DCHS2: variants seen among roughly 807,000 people sequenced by gnomAD.
DCHS2 encodes protocadherin-23.
Under a neutral mutation model 182.4 loss-of-function variants are expected in DCHS2, and 142 were observed. That is an observed-to-expected ratio of 0.78 (90% confidence interval 0.68 to 0.89). DCHS2 has a LOEUF of 0.89. DCHS2 is among the 40% of genes least tolerant of loss of function. DCHS2 has a pLI of 0.00. For synonymous variants in DCHS2, 1,740 were observed against 1,663.3 expected, an observed-to-expected ratio of 1.05 and a Z score of -1.12; for missense variants, 4,319 against 4,198.6, an observed-to-expected ratio of 1.03 and a Z score of -0.79.
chr4:154,421,489 G>C (rs998733636), intron 1 of DCHS2, among the ~76,000 whole-genome samples: 3 of 152,040 alleles, frequency 2.0e-5, no homozygotes, highest in Non-Finnish European at 4.4e-5. Context: ...CTGCCTCCGT[G>C]GTTTAAGCGA....
rs1413253512 is a variant in DCHS2 at position 154,491,504 on chromosome 4, T to G, written c.-149A>C. 1.1e-5 allele frequency: 15 copies of G among 1,401,690 alleles called. No homozygotes were observed. The highest frequency in any genetic ancestry group is 1.3e-5 in the Non-Finnish European group (14 of 1,084,076). The allele number at this position is 1,401,690 out of a possible 1,614,324, so 86.8% of individuals were successfully genotyped here. A position where few individuals can be genotyped will look rare whatever the true frequency, so the allele number is the denominator to read the frequency against. On this transcript the variant is annotated 5_prime_UTR_variant, in exon 1 of 20. An upstream open reading frame in the 5' UTR loses its in-frame stop. Coordinates refer to ENST00000357232, the MANE Select transcript of DCHS2 (RefSeq NM_001358235.2). ...CCGACGGCCCAGGAATTCCCGAGGT[T>G]ACATCTGCAACTGGTGAAAGCGTCC... is the stretch of plus-strand genomic sequence containing the variant.
At chr4:154,305,004 C>A (rs1735386468) in intron 11 of DCHS2, 93 bp downstream of exon 11, 1 of 1,504,262 alleles carries the variant, frequency 6.6e-7, no homozygotes, top group Non-Finnish European at 8.8e-7. Flanking sequence ...TTTAAAAACA[C>A]CCCAACAAAA....
intron 13 of DCHS2, among the ~76,000 whole-genome samples, chr4:154,277,900 G>T (rs1357212758): frequency 6.6e-6 from 1 of 151,978 alleles, no homozygotes; most frequent in African/African-American, 2.4e-5. Context: ...AATTAGCTGG[G>T]CATGGTGGCG....
At chr4:154,380,433 G>T (rs1168194685) in intron 1 of DCHS2, among the ~76,000 whole-genome samples, 1 of 152,040 alleles carries the variant, frequency 6.6e-6, no homozygotes, top group Admixed American at 6.6e-5. Flanking sequence ...TAATTTAGAA[G>T]CTTCAAGTTC....
chr4:154,388,860 TA>T (rs1031864449), intron 1 of DCHS2, among the ~76,000 whole-genome samples: 30 of 151,520 alleles, frequency 2.0e-4, no homozygotes, highest in African/African-American at 4.1e-4. Flanking sequence ...ATATTAATCC[TA>T]AAAAAAAATT....
chr4:154,427,487 G>A (rs7685964), intron 1 of DCHS2, among the ~76,000 whole-genome samples: 77,831 of 152,138 alleles, frequency 0.51, 21,095 homozygotes, highest in Middle Eastern at 0.67. Flanking sequence ...CGACCACGCA[G>A]CAACCCCAGA....
At chr4:154,418,474 C>G (rs1407181014) in intron 1 of DCHS2, among the ~76,000 whole-genome samples, 1 of 152,200 alleles carries the variant, frequency 6.6e-6, no homozygotes, top group East Asian at 1.9e-4. Flanking sequence ...GGATGATTAT[C>G]ACACCACTGC....
chr4:154,436,875 AT>A (rs1307947011), intron 1 of DCHS2, among the ~76,000 whole-genome samples: 1 of 152,232 alleles, frequency 6.6e-6, no homozygotes, highest in Admixed American at 6.5e-5. Context: ...AGTATGTAAA[AT>A]ATCTCAATAA....
At chr4:154,291,332 G>T (rs67916370) in intron 13 of DCHS2, among the ~76,000 whole-genome samples, 6,940 of 151,972 alleles carry the variant, frequency 0.046, 387 homozygotes, top group Admixed American at 0.17. Context: ...ATCCTTATAC[G>T]CTGTTGGTGG....
Position 154,333,335 on chromosome 4 carries a change from G to C in DCHS2, c.2873C>G (p.Pro958Arg). The change falls in exon 5 of 20, where the codon CCA becomes CGA. Residue 958 changes from proline to arginine, a missense_variant. By Grantham distance (103) the Pro-to-Arg change is moderately radical (BLOSUM62 -2). Coordinates refer to ENST00000357232, the MANE Select transcript of DCHS2 (RefSeq NM_001358235.2). ...LTVQAQLGSA[P>R]ACSSTEVNIT... ...GTTGACCTCGGTGCTGCTGCAGGCTGGGGCGCTGCCGAGCTGCGCCTGCAC... is the reference window on the plus strand; with the variant it reads ...GTTGACCTCGGTGCTGCTGCAGGCTCGGGCGCTGCCGAGCTGCGCCTGCAC... 6.2e-7 allele frequency: 1 copy of C among 1,614,084 alleles called. No homozygotes were observed. Among genetic ancestry groups the C allele is most frequent in the Non-Finnish European group, 8.5e-7 (1 of 1,180,010 alleles).
chr4:154,242,192 A>G (rs1731860219), intron 17 of DCHS2, among the ~76,000 whole-genome samples: 1 of 152,186 alleles, frequency 6.6e-6, no homozygotes, highest in Admixed American at 6.5e-5. Flanking sequence ...CAAACGTTGA[A>G]GATAAGGTTA....
chr4:154,377,040 TG>T (rs1370956047), intron 2 of DCHS2, among the ~76,000 whole-genome samples: 1 of 152,174 alleles, frequency 6.6e-6, no homozygotes, highest in Non-Finnish European at 1.5e-5. Context: ...TGTAGTTCTG[TG>T]TTTTTAAAGT....
chr4:154,334,653 T>G lies in DCHS2; in HGVS notation c.2713+215A>C, dbSNP rs183137774. 3.9e-5 allele frequency: 21 copies of G among 532,036 alleles called. No homozygotes were observed. In the Middle Eastern group the frequency reaches 2.0e-3, roughly 50 times the overall value. 33.0% of individuals were successfully genotyped at this position (532,036 alleles called of 1,614,324 possible). A position where few individuals can be genotyped will look rare whatever the true frequency, so the allele number is the denominator to read the frequency against. ...ATCTGTATTATTTTAAACATTCTTT[T>G]TAAAATGCCTATTATTTTTGTGATC... On this transcript the variant is annotated intron_variant, in intron 4 of 19. Coordinates refer to ENST00000357232, the MANE Select transcript of DCHS2 (RefSeq NM_001358235.2).
At position 154,298,680 on chromosome 4, in the gene DCHS2, T is replaced by G; in HGVS notation, c.5634A>C (p.Ile1878=). 6.2e-7 allele frequency: 1 copy of G among 1,604,578 alleles called. No homozygotes were observed. Among genetic ancestry groups the G allele is most frequent in the Non-Finnish European group, 8.5e-7 (1 of 1,176,734 alleles). The change falls in exon 13 of 20, where the codon ATA becomes ATC. Residue 1878 remains isoleucine (I), a synonymous_variant. Coordinates refer to ENST00000357232, the MANE Select transcript of DCHS2 (RefSeq NM_001358235.2). Reference sequence around the variant, plus strand: ...TTGAGAGTTCTCCTGACATCTCATTTATAGTAAAGCACTCATCAGTATTTC... The same window carrying G: ...TTGAGAGTTCTCCTGACATCTCATTGATAGTAAAGCACTCATCAGTATTTC... ...IDGNTDECFT[I]NEMSGELSTT...
chr4:154,358,630 A>G (rs565464556), intron 3 of DCHS2, among the ~76,000 whole-genome samples: 6 of 152,264 alleles, frequency 3.9e-5, no homozygotes, highest in Middle Eastern at 3.4e-3. Context: ...CTCATCACTT[A>G]GAAAAGAAGG....
chr4:154,298,634 CCCG>C lies in DCHS2; in HGVS notation c.5677_5679del (p.Arg1893del). ...ACAAGGGTAAAATTGCTGATTTGCT[CCCG>C]GTCCAAAGCACGAGTGGTTGAGAGT... On this transcript the variant is annotated inframe_deletion, in exon 13 of 20. Coordinates refer to ENST00000357232, the MANE Select transcript of DCHS2 (RefSeq NM_001358235.2). The C allele has an allele frequency of 6.2e-7, 1 of 1,613,870 alleles. No individual in the cohort carries two copies. Among genetic ancestry groups the C allele is most frequent in the South Asian group, 1.1e-5 (1 of 91,030 alleles).
chr4:154,312,409 C>T (rs1358487741), intron 10 of DCHS2, among the ~76,000 whole-genome samples: 1 of 152,242 alleles, frequency 6.6e-6, no homozygotes, highest in Admixed American at 6.5e-5. Context: ...AGAGACCCAG[C>T]GCTGTGACTC....
chr4:154,364,073 C>T (rs573631278), intron 3 of DCHS2, among the ~76,000 whole-genome samples: 169 of 152,246 alleles, frequency 1.1e-3, no homozygotes, highest in African/African-American at 3.9e-3. Flanking sequence ...GTATCAAAAC[C>T]GCCAACAATA....
Position 154,255,633 on chromosome 4 carries a change from A to G in DCHS2, c.6827T>C (p.Leu2276Pro), listed in dbSNP as rs1560988047. The change falls in exon 16 of 20, where the codon CTG (leucine) becomes CCG (proline). Residue 2276 changes from leucine to proline, a missense_variant. Physicochemically the swap from Leu to Pro is moderately conservative, Grantham distance 98. Transcript: ENST00000357232. ...ATDLDSGLNGLIEYSILSGNQ... is the reference protein window; with the variant it reads ...ATDLDSGLNGPIEYSILSGNQ... ...GCCAGACAGAATAGAATACTCAATC[A>G]GGCCGTTCAAACCACTGTCCAAGTC... is the stretch of plus-strand genomic sequence containing the variant. 1.2e-6 allele frequency: 2 copies of G among 1,614,010 alleles called. No individual in the cohort carries two copies. Among genetic ancestry groups the G allele is most frequent in the African/African-American group, 2.7e-5 (2 of 75,046 alleles).
Sources: gnomAD v4.1 joint callset for allele counts (sites outside exome capture counted in the v4.1 genomes callset) on GRCh38, gnomAD v4.1.1 for gene constraint, MANE v1.5 for transcripts, NCBI Gene and HGNC (gene_info 2026-07-23, HGNC 2026-07-21) for gene names.